Variants in GAB2 observed in about 807,000 individuals in gnomAD.
The protein encoded by GAB2 is GRB2 associated binding protein 2.
In GAB2, 26 loss-of-function variants were observed where a neutral mutation model predicts 65.5. The ratio of observed to expected loss-of-function variants is 0.40; its 90% CI spans 0.29 to 0.55. The LOEUF is 0.55. Ranked by LOEUF, GAB2 falls within the 20% of genes least tolerant of loss-of-function variation. GAB2 has a pLI of 0.53. For missense variants in GAB2, 884 were observed against 875.8 expected (o/e 1.01, Z -0.12); for synonymous variants, 321 against 329.6 (o/e 0.97, Z 0.28).
At chr11:78,323,638 A>T (rs1241034772) in intron 1 of GAB2, among the ~76,000 whole-genome samples, 2 of 148,976 alleles carry the variant, frequency 1.3e-5, no homozygotes, top group Non-Finnish European at 3.0e-5. Context: ...GACTCCAAAA[A>T]GGTCGGGGGA....
At chr11:78,386,586 A>T (rs1462062946) in intron 1 of GAB2, among the ~76,000 whole-genome samples, 1 of 152,184 alleles carries the variant, frequency 6.6e-6, no homozygotes, top group East Asian at 1.9e-4. Flanking sequence ...GCCTGTCCTT[A>T]TGGCTGATCA....
chr11:78,292,040 G>C (rs542760774), intron 1 of GAB2, among the ~76,000 whole-genome samples: 9 of 151,948 alleles, frequency 5.9e-5, no homozygotes, highest in Admixed American at 2.6e-4. Flanking sequence ...GAGAGAGAGA[G>C]AGTCAGTCTT....
intron 1 of GAB2, among the ~76,000 whole-genome samples, chr11:78,327,201 C>T (rs1364497727): frequency 2.0e-5 from 3 of 152,146 alleles, no homozygotes; most frequent in African/African-American, 7.2e-5. Flanking sequence ...ATATTATCAT[C>T]ACTTCTGTAC....
intron 1 of GAB2, among the ~76,000 whole-genome samples, chr11:78,302,861 C>A (rs959670457): frequency 6.6e-6 from 1 of 152,026 alleles, no homozygotes; most frequent in African/African-American, 2.4e-5. Flanking sequence ...TACTAGTCGA[C>A]CATAAAAAGG....
intron 1 of GAB2, among the ~76,000 whole-genome samples, chr11:78,400,030 C>T (rs116117497): frequency 0.013 from 1,929 of 152,304 alleles, 34 homozygotes; most frequent in African/African-American, 0.044. Context: ...GAAAGACTCA[C>T]TGAGTTAGTG....
At chr11:78,219,854 G>A (rs1864333017) in intron 9 of GAB2, among the ~76,000 whole-genome samples, 1 of 152,208 alleles carries the variant, frequency 6.6e-6, no homozygotes, top group Non-Finnish European at 1.5e-5. Flanking sequence ...GCACAGCTCT[G>A]CACCCTTCTG....
At chr11:78,251,998 A>C (rs534284627) in intron 2 of GAB2, among the ~76,000 whole-genome samples, 5 of 152,256 alleles carry the variant, frequency 3.3e-5, no homozygotes, top group African/African-American at 7.2e-5. Context: ...AAGAAATAAA[A>C]GTTTAAAGAT....
chr11:78,292,000 A>AGG (rs1302793163), intron 1 of GAB2, among the ~76,000 whole-genome samples: 37 of 101,408 alleles, frequency 3.6e-4, no homozygotes, highest in Middle Eastern at 4.6e-3. Context: ...AGAGGTGTGT[A>AGG]GGGGTGTGTG....
rs749881183 is a variant in GAB2 at position 78,250,415 on chromosome 11, TAG to T, written c.377-17_377-16del. 6.2e-7 allele frequency: 1 copy of T among 1,609,490 alleles called. No homozygotes were observed. Among genetic ancestry groups the T allele is most frequent in the South Asian group, 1.1e-5 (1 of 90,930 alleles). On this transcript the variant is annotated splice_polypyrimidine_tract_variant and intron_variant, in intron 2 of 9. Coordinates refer to ENST00000361507, the MANE Select transcript of GAB2 (RefSeq NM_080491.3). ...TCTCAGGGAGTCTGAAAAGGAGAAA[TAG>T]CTCTGTGAATGAAAAAGGAAGGAAA...
chr11:78,302,779 A>G (rs1026452998), intron 1 of GAB2, among the ~76,000 whole-genome samples: 1 of 152,242 alleles, frequency 6.6e-6, no homozygotes, highest in Non-Finnish European at 1.5e-5. Context: ...AACCATCCCA[A>G]ATACCTATCA....
chr11:78,290,110 T>TA (rs1866615906), intron 1 of GAB2, among the ~76,000 whole-genome samples: 3 of 151,116 alleles, frequency 2.0e-5, no homozygotes, highest in Admixed American at 2.0e-4. Flanking sequence ...ACCAGAAAAA[T>TA]AAAAAATAAG....
At chr11:78,356,707 T>A (rs551455728) in intron 1 of GAB2, among the ~76,000 whole-genome samples, 2 of 152,328 alleles carry the variant, frequency 1.3e-5, no homozygotes, top group Non-Finnish European at 1.5e-5. Flanking sequence ...AAGTAAGGAA[T>A]CTGTAGAGAA....
chr11:78,246,016 G>A (rs761550816), intron 3 of GAB2, among the ~76,000 whole-genome samples: 3 of 149,752 alleles, frequency 2.0e-5, no homozygotes, highest in Non-Finnish European at 4.4e-5. Context: ...CGCAACCTCC[G>A]CCTCCAGGGT....
At chr11:78,343,686 G>A (rs756475555) in intron 1 of GAB2, among the ~76,000 whole-genome samples, 2 of 152,220 alleles carry the variant, frequency 1.3e-5, no homozygotes, top group Middle Eastern at 3.4e-3. Context: ...AATGTAGCGT[G>A]AGGCACATAT....
At chr11:78,280,467 T>G in intron 2 of GAB2, 134 bp downstream of exon 2, 1 of 772,736 alleles carries the variant, frequency 1.3e-6, no homozygotes, top group Non-Finnish European at 2.2e-6. Context: ...GGCCAACCCC[T>G]TCACACTCTT....
At chr11:78,298,894 T>C (rs1866913228) in intron 1 of GAB2, among the ~76,000 whole-genome samples, 1 of 152,224 alleles carries the variant, frequency 6.6e-6, no homozygotes, top group Non-Finnish European at 1.5e-5. Context: ...TTTTCGTAAA[T>C]ATACATCTGA....
chr11:78,413,174 C>A (rs1857151154), intron 1 of GAB2, among the ~76,000 whole-genome samples: 2 of 152,156 alleles, frequency 1.3e-5, no homozygotes. Context: ...ATATGTAAGT[C>A]TGAAGTTCAG....
intron 3 of GAB2, among the ~76,000 whole-genome samples, chr11:78,233,277 C>T (rs144467714): frequency 1.4e-4 from 22 of 152,216 alleles, no homozygotes; most frequent in African/African-American, 3.9e-4. Flanking sequence ...TGAAGCAATC[C>T]GCCTGTCTTG....
At chr11:78,326,983 T>C (rs1056417499) in intron 1 of GAB2, among the ~76,000 whole-genome samples, 1 of 152,132 alleles carries the variant, frequency 6.6e-6, no homozygotes, top group Non-Finnish European at 1.5e-5. Context: ...TGGATGGAGA[T>C]TTATTTGAGC....
Sources: allele counts gnomAD v4.1 joint callset (sites outside exome capture counted in the v4.1 genomes callset), GRCh38; gene constraint gnomAD v4.1.1; transcripts MANE v1.5; gene names NCBI Gene and HGNC (gene_info 2026-07-23, HGNC 2026-07-21).